ANKRD26: variants seen among roughly 807,000 people sequenced by gnomAD.
ANKRD26 encodes ankyrin repeat domain-containing protein 26.
Under a neutral mutation model 208.7 loss-of-function variants are expected in ANKRD26, and 141 were observed. The observed-to-expected ratio is 0.68, with a 90% confidence interval of 0.59 to 0.78. The LOEUF (loss-of-function observed/expected upper bound fraction) is 0.78. ANKRD26 is among the 30% of genes least tolerant of loss of function. ANKRD26 has a pLI of 0.00. For synonymous variants in ANKRD26, 636 were observed against 660.4 expected, an observed-to-expected ratio of 0.96 and a Z score of 0.57; for missense variants, 1,889 against 1,938.7, an observed-to-expected ratio of 0.97 and a Z score of 0.48.
At chr10:26,977,015 G>C (rs547085218) in intron 5 of ANKRD26, among the ~76,000 whole-genome samples, 1 of 152,028 alleles carries the variant, frequency 6.6e-6, no homozygotes, top group Non-Finnish European at 1.5e-5. Context: ...TCAGTGTTTG[G>C]CAGTTTGGCA....
At chr10:27,032,394 G>A (rs2135152063) in intron 25 of ANKRD26, among the ~76,000 whole-genome samples, 1 of 152,214 alleles carries the variant, frequency 6.6e-6, no homozygotes, top group Admixed American at 6.5e-5. Context: ...CAGTACTCTG[G>A]GAGGCCGAGG....
At chr10:27,058,955 C>T (rs909404348) in intron 15 of ANKRD26, among the ~76,000 whole-genome samples, 4 of 150,804 alleles carry the variant, frequency 2.7e-5, no homozygotes, top group Admixed American at 2.0e-4. Context: ...CGCTCTGTCA[C>T]CCACACTGGA....
intron 32 of ANKRD26, among the ~76,000 whole-genome samples, chr10:27,012,250 T>C (rs2134888894): frequency 6.6e-6 from 1 of 152,338 alleles, no homozygotes; most frequent in East Asian, 1.9e-4. Flanking sequence ...TCTCAACGTA[T>C]ACCTTTTGCT....
chr10:27,057,586 C>T lies in ANKRD26; in HGVS notation c.1564+2759G>A, dbSNP rs536941577. 4.4e-4 allele frequency among the ~76,000 whole-genome samples: 67 copies of T among 152,274 alleles called. No individual in the cohort carries two copies. In the South Asian group the frequency reaches 0.014, roughly 32 times the overall value. On this transcript the variant is annotated intron_variant, in intron 15 of 33. Coordinates refer to ENST00000376087, the MANE Select transcript of ANKRD26 (RefSeq NM_014915.3). ...AATGAAATGCTCTTTCCTCAACGTACCACTATGTTCAGAATTTACTTTTTA... is the reference window on the plus strand; with the variant it reads ...AATGAAATGCTCTTTCCTCAACGTATCACTATGTTCAGAATTTACTTTTTA...
At chr10:27,054,802 C>A (rs1428479864) in intron 15 of ANKRD26, among the ~76,000 whole-genome samples, 1 of 152,070 alleles carries the variant, frequency 6.6e-6, no homozygotes, top group African/African-American at 2.4e-5. Context: ...TGAGTAATCC[C>A]AGAGAAAAGG....
At chr10:27,083,166 C>G (rs941536923) in intron 5 of ANKRD26, among the ~76,000 whole-genome samples, 1 of 152,148 alleles carries the variant, frequency 6.6e-6, no homozygotes, top group Non-Finnish European at 1.5e-5. Context: ...TCACTAAATC[C>G]TATTAACTGT....
exon 5 of ANKRD26, among the ~76,000 whole-genome samples, chr10:26,980,673 T>G (rs1447732271): frequency 6.6e-6 from 1 of 152,152 alleles, no homozygotes; most frequent in Non-Finnish European, 1.5e-5. Context: ...CCAGGGAGAC[T>G]GTTGTGAAAT....
At chr10:26,967,543 G>A in the ANKRD26 span, among the ~76,000 whole-genome samples, 1 of 143,470 alleles carries the variant, frequency 7.0e-6, no homozygotes, top group Non-Finnish European at 1.5e-5. Context: ...TATCTCTCTA[G>A]CCCAATCTCT....
chr10:27,058,581 GA>G (rs1359384317), intron 15 of ANKRD26, among the ~76,000 whole-genome samples: 1 of 146,924 alleles, frequency 6.8e-6, no homozygotes, highest in East Asian at 1.9e-4. Context: ...ACTCCACCAT[GA>G]TTTTTTTTTT....
downstream of ANKRD26, among the ~76,000 whole-genome samples, chr10:26,969,105 T>A (rs2052108306): frequency 6.6e-6 from 1 of 152,182 alleles, no homozygotes; most frequent in African/African-American, 2.4e-5. Flanking sequence ...GTCAATATAT[T>A]TTCCTAATAT....
At chr10:26,955,823 G>T in the ANKRD26 span, among the ~76,000 whole-genome samples, 1 of 152,146 alleles carries the variant, frequency 6.6e-6, no homozygotes, top group African/African-American at 2.4e-5. Flanking sequence ...TGTTGATCCT[G>T]TGGAAGAAAA....
chr10:27,013,175 T>G lies in ANKRD26; in HGVS notation c.4725-65A>C, dbSNP rs115401361. 782 of 1,436,674 alleles carry G rather than the reference T, an allele frequency of 5.4e-4. 1 individual carries two copies. The African/African-American group carries it at 9.0e-3, about 16-fold the overall frequency. 89.0% of individuals were successfully genotyped at this position (1,436,674 alleles called of 1,614,324 possible). A position where few individuals can be genotyped will look rare whatever the true frequency, so the allele number is the denominator to read the frequency against. On this transcript the variant is annotated intron_variant, in intron 31 of 33. Transcript: ENST00000376087. ...TTTCCCTAAATGATTCCTAAAAGAC[T>G]TGCAATTTTTAAAAAGTTACCATAG...
the ANKRD26 span, among the ~76,000 whole-genome samples, chr10:26,952,156 C>A: frequency 6.6e-6 from 1 of 152,144 alleles, no homozygotes; most frequent in Non-Finnish European, 1.5e-5. Flanking sequence ...ACCTGACTTG[C>A]TTGTCCCGTC....
At chr10:26,958,121 C>T in the ANKRD26 span, among the ~76,000 whole-genome samples, 5 of 150,780 alleles carry the variant, frequency 3.3e-5, no homozygotes, top group Non-Finnish European at 3.0e-5. Flanking sequence ...GTTGCTCTGT[C>T]GCCAAGGCTG....
chr10:27,086,431 C>CT, intron 5 of ANKRD26, 108 bp downstream of exon 5: 1 of 1,436,990 alleles, frequency 7.0e-7, no homozygotes, highest in Non-Finnish European at 9.5e-7. Flanking sequence ...ACACATGCAC[C>CT]TTATACACTG....
intron 9 of ANKRD26, chr10:27,077,034 G>C (rs1238641804): frequency 5.6e-6 from 2 of 358,000 alleles, no homozygotes; most frequent in East Asian, 1.3e-4. Flanking sequence ...AGCCAGAAAA[G>C]GACATAACAA....
chr10:27,030,758 TA>T (rs1180873241), intron 25 of ANKRD26, among the ~76,000 whole-genome samples: 5 of 152,098 alleles, frequency 3.3e-5, no homozygotes, highest in Admixed American at 6.6e-5. Context: ...TGTGGCCTTG[TA>T]AAAAAATAAA....
Position 27,082,795 on chromosome 10 carries a change from A to G in ANKRD26, c.740+8T>C. 1 of 1,580,804 alleles carries G rather than the reference A, an allele frequency of 6.3e-7. No individual in the cohort carries two copies. Among genetic ancestry groups the G allele is most frequent in the Non-Finnish European group, 8.6e-7 (1 of 1,162,408 alleles). The stretch of plus-strand genomic sequence containing the variant: ...TAAATATATTTTTAAAAATCTGTAA[A>G]ATACTACCTGCTTAAGGAGTCTTCA... On this transcript the variant is annotated splice_region_variant and intron_variant, in intron 6 of 33. Transcript: ENST00000376087.
chr10:27,003,763 GGA>G (rs1434742733), downstream of ANKRD26, among the ~76,000 whole-genome samples: 1 of 152,222 alleles, frequency 6.6e-6, no homozygotes, highest in East Asian at 1.9e-4. Context: ...AAACCAAAAT[GGA>G]GAGAACGCCT....
Sources: gnomAD v4.1 joint callset for allele counts (sites outside exome capture counted in the v4.1 genomes callset) on GRCh38, gnomAD v4.1.1 for gene constraint, MANE v1.5 for transcripts, NCBI Gene and HGNC (gene_info 2026-07-23, HGNC 2026-07-21) for gene names.